CPNE6: variants seen among roughly 807,000 people sequenced by gnomAD.
CPNE6 encodes the protein copine 6.
Under a neutral mutation model 71.5 loss-of-function variants are expected in CPNE6, and 33 were observed. The observed-to-expected ratio is 0.46, with a 90% CI of 0.35 to 0.62. The LOEUF is 0.62. Among genes scored for constraint, CPNE6 ranks in the 20% least tolerant of loss-of-function variants. CPNE6 has a pLI of 0.00. For synonymous variants in CPNE6, 296 were observed against 293.0 expected, an observed-to-expected ratio of 1.01 and a Z score of -0.10; for missense variants, 576 against 747.3, an observed-to-expected ratio of 0.77 and a Z score of 2.67.
At position 24,073,593 on chromosome 14, in the gene CPNE6, A is replaced by T; in HGVS notation, c.263A>T (p.Gln88Leu). The change falls in exon 4 of 18, where the codon CAG becomes CTG. Residue 88 changes from glutamine to leucine, a missense_variant. This residue lies in a region of CPNE6 where 214 missense variants were observed against 291.2 expected (regional missense o/e 0.73). Coordinates refer to ENST00000397016, the Ensembl canonical transcript of CPNE6. This position sits in a 1 kb window ranked among gnomAD's most constrained non-coding sequence, Gnocchi z 5.5. ...TTTTTTGAGGAGAAGCAGCCCCTGC[A>T]GTTCCACGTGTTCGATGCCGAGGAC... 1 of 1,614,042 alleles carries T rather than the reference A, an allele frequency of 6.2e-7. No homozygotes were observed. The highest frequency in any genetic ancestry group is 8.5e-7 in the Non-Finnish European group (1 of 1,180,026).
At position 24,074,266 on chromosome 14, in the gene CPNE6, C is replaced by T. The variant is rs778763845; in HGVS notation, c.424-25C>T. The T allele has an allele frequency of 1.0e-5, 16 of 1,596,110 alleles. No homozygotes were observed. The highest frequency in any genetic ancestry group is 1.1e-5 in the South Asian group (1 of 89,574). On this transcript the variant is annotated intron_variant, in intron 5 of 17. Transcript: ENST00000397016. This position sits in a 1 kb window ranked among gnomAD's most constrained non-coding sequence, Gnocchi z 4.5. ...GCCCTTGTGGTAAGGTTAGGGGAGT[C>T]CTGCCACTTGTATCCCCCTTGCAGA... is the stretch of plus-strand genomic sequence containing the variant.
rs2138848399 is a variant in CPNE6, at chr14:24,074,881, C to A, written c.672+86C>A. On this transcript the variant is annotated intron_variant, in intron 8 of 17. Transcript: ENST00000397016. The surrounding 1 kb of genome is among the most constrained non-coding windows in gnomAD (Gnocchi z 4.5). Reference sequence around the variant, plus strand: ...TTTCCCCTGCATGTGGCAAGCCTCCCTCCTCTCCCCCAAGTGATAATCACA... The same window carrying A: ...TTTCCCCTGCATGTGGCAAGCCTCCATCCTCTCCCCCAAGTGATAATCACA... The A allele has an allele frequency of 1.9e-6, 2 of 1,076,622 alleles. No individual in the cohort carries two copies. Among genetic ancestry groups the A allele is most frequent in the Non-Finnish European group, 2.8e-6 (2 of 717,456 alleles). 66.7% of individuals were successfully genotyped at this position (1,076,622 alleles called of 1,614,324 possible). A position where few individuals can be genotyped will look rare whatever the true frequency, so the allele number is the denominator to read the frequency against.
Position 24,071,645 on chromosome 14 carries a change from A to G in CPNE6, c.-5+4A>G. 1.1e-6 allele frequency: 1 copy of G among 934,636 alleles called. No individual in the cohort carries two copies. Among genetic ancestry groups the G allele is most frequent in the Non-Finnish European group, 1.7e-6 (1 of 598,894 alleles). The allele number at this position is 934,636 out of a possible 1,614,324, so 57.9% of individuals were successfully genotyped here. A position where few individuals can be genotyped will look rare whatever the true frequency, so the allele number is the denominator to read the frequency against. On this transcript the variant is annotated splice_donor_region_variant and intron_variant, in intron 2 of 17. Coordinates refer to ENST00000397016, the Ensembl canonical transcript of CPNE6. ...GAGCCCCCGACCGAGAGCCCAGGTGAGCCCACCCTTCCTCCCCAGCCCAGC... is the reference window on the plus strand; with the variant it reads ...GAGCCCCCGACCGAGAGCCCAGGTGGGCCCACCCTTCCTCCCCAGCCCAGC...
At chr14:24,076,477 C>T (rs2036067847) in intron 13 of CPNE6, 29 bp from the exon 13 acceptor site, 1 of 1,614,176 alleles carries the variant, frequency 6.2e-7, no homozygotes, top group Non-Finnish European at 8.5e-7. Context: ...AAAAGGCAGG[C>T]CCTCACTGCT....
chr14:24,071,508 C>CCCCCCCCCCCCCCCA, intron 1 of CPNE6, 54 bp from the exon 1 acceptor site: 1 of 1,479,372 alleles, frequency 6.8e-7, no homozygotes, highest in East Asian at 2.5e-5. Flanking sequence ...TGCGCCCCCC[C>CCCCCCCCCCCCCCCA]CCACCCCTCC....
chr14:24,077,401 C>A lies in CPNE6; in HGVS notation c.1536+11C>A. The A allele has an allele frequency of 6.2e-7, 1 of 1,611,388 alleles. No homozygotes were observed. Among genetic ancestry groups the A allele is most frequent in the Non-Finnish European group, 8.5e-7 (1 of 1,177,666 alleles). ...CGAGACTTCAAGGATGTGAGTCCCC[C>A]GGGCCCCTTCCGGCTGAAGGACTCC... On this transcript the variant is annotated intron_variant, in intron 16 of 17. Transcript: ENST00000397016. This position sits in a 1 kb window ranked among gnomAD's most constrained non-coding sequence, Gnocchi z 6.1.
In CPNE6 at chr14:24,075,473, T is replaced by C; in HGVS notation, c.778-32T>C. 2.5e-6 allele frequency: 4 copies of C among 1,584,988 alleles called. No individual in the cohort carries two copies. Among genetic ancestry groups the C allele is most frequent in the Non-Finnish European group, 3.5e-6 (4 of 1,158,460 alleles). ...GAGAAAGAGGGGTCACCTGATGGAC[T>C]TGTGACCCTGAGCTTGTGGGGTGGG... On this transcript the variant is annotated intron_variant, in intron 9 of 17. Coordinates refer to ENST00000397016, the Ensembl canonical transcript of CPNE6. The surrounding 1 kb of genome is among the most constrained non-coding windows in gnomAD (Gnocchi z 4.3).
chr14:24,076,854 C>G, intron 14 of CPNE6, 25 bp from the exon 14 acceptor site: 1 of 1,611,122 alleles, frequency 6.2e-7, no homozygotes, highest in Non-Finnish European at 8.5e-7. Flanking sequence ...TTTCTGCCAG[C>G]TTCACAACTT....
chr14:24,075,155 T>TC lies in CPNE6; in HGVS notation c.673-12dup. On this transcript the variant is annotated splice_polypyrimidine_tract_variant and intron_variant, in intron 8 of 17. Transcript: ENST00000397016. This position sits in a 1 kb window ranked among gnomAD's most constrained non-coding sequence, Gnocchi z 4.3. The stretch of plus-strand genomic sequence containing the variant: ...AGCATCTCCAACCTGACCCCACCCC[T>TC]CCCCCTGCCTTCTCAGTTCCTGGTG... 1.3e-6 allele frequency: 2 copies of TC among 1,580,138 alleles called. No homozygotes were observed. The highest frequency in any genetic ancestry group is 1.7e-6 in the Non-Finnish European group (2 of 1,151,610).
In CPNE6 at chr14:24,074,117, A is replaced by T; in HGVS notation, c.415A>T (p.Thr139Ser). The change falls in exon 5 of 18, where the codon ACC (threonine) becomes TCC (serine). Residue 139 changes from threonine to serine, a missense_variant. By Grantham distance (58) the Thr-to-Ser change is moderately conservative. This residue lies in a region of CPNE6 where 214 missense variants were observed against 291.2 expected (regional missense o/e 0.73). Transcript: ENST00000397016. The surrounding 1 kb of genome is among the most constrained non-coding windows in gnomAD (Gnocchi z 4.5). Reference sequence around the variant, plus strand: ...GAATGGGAAGACTGCGGGCAAGTCCACCATCACGGTAGGCAAGATCACCTG... The same window carrying T: ...GAATGGGAAGACTGCGGGCAAGTCCTCCATCACGGTAGGCAAGATCACCTG... 1 of 1,614,104 alleles carries T rather than the reference A, an allele frequency of 6.2e-7. No individual in the cohort carries two copies. Among genetic ancestry groups the T allele is most frequent in the Non-Finnish European group, 8.5e-7 (1 of 1,179,966 alleles).
intron 1 of CPNE6, 51 bp from the exon 1 acceptor site, chr14:24,071,505 CCCCCCA>C: frequency 9.1e-7 from 1 of 1,097,364 alleles, no homozygotes; most frequent in Non-Finnish European, 1.2e-6. Context: ...TGCTGCGCCC[CCCCCCA>C]CCCCTCCCCA....
At position 24,077,106 on chromosome 14, in the gene CPNE6, G is replaced by T. The variant is rs184080131; in HGVS notation, c.1300-48G>T. On this transcript the variant is annotated intron_variant, in intron 15 of 17. Transcript: ENST00000397016. The surrounding 1 kb of genome is among the most constrained non-coding windows in gnomAD (Gnocchi z 6.1). ...GCACCTTGGTGGAAACGGTGTCAAC[G>T]CCCTTGCACACAAAGCCAACCCTTC... 6.3e-7 allele frequency: 1 copy of T among 1,593,896 alleles called. No homozygotes were observed. The highest frequency in any genetic ancestry group is 1.7e-5 in the Admixed American group (1 of 59,740).
chr14:24,072,919 C>G lies in CPNE6; in HGVS notation c.-4-14C>G. 1 of 1,545,396 alleles carries G rather than the reference C, an allele frequency of 6.5e-7. No homozygotes were observed. Among genetic ancestry groups the G allele is most frequent in the Non-Finnish European group, 8.7e-7 (1 of 1,148,012 alleles). ...CCCTTTCCAGAGTCCAGGCCACCTG[C>G]TCTGTCCCCACAGTGACATGTCGGA... On this transcript the variant is annotated splice_polypyrimidine_tract_variant and intron_variant, in intron 2 of 17. Transcript: ENST00000397016.
chr14:24,076,626 C>T (rs45621931), intron 14 of CPNE6, 69 bp downstream of exon 13: 488,806 of 1,590,510 alleles, frequency 0.31, 78,362 homozygotes, highest in South Asian at 0.48. Flanking sequence ...ACAGACTCCA[C>T]TCCCCAGGGC....
At position 24,071,550 on chromosome 14, in the gene CPNE6, G is replaced by C. The variant is rs934230751; in HGVS notation, c.-96G>C. The C allele has an allele frequency of 1.6e-6, 2 of 1,224,902 alleles. No individual in the cohort carries two copies. Among genetic ancestry groups the C allele is most frequent in the Admixed American group, 5.1e-5 (2 of 39,050 alleles). The allele number at this position is 1,224,902 out of a possible 1,614,324, so 75.9% of individuals were successfully genotyped here. A position where few individuals can be genotyped will look rare whatever the true frequency, so the allele number is the denominator to read the frequency against. On this transcript the variant is annotated 5_prime_UTR_variant, in exon 2 of 18. Coordinates refer to ENST00000397016, the Ensembl canonical transcript of CPNE6. ...AGGCCCCATAAATAGCAGCAGAGCC[G>C]GAGCTGGAGCCGGCGCCAGCGGCTG...
chr14:24,073,690 C>T lies in CPNE6; in HGVS notation c.348+12C>T, dbSNP rs1364995823. ...GCACCTTGGGCCAGGTCTGCATTCC[C>T]GGCCTCCCCGGCTACCCTACCCTAC... On this transcript the variant is annotated intron_variant, in intron 4 of 17. Coordinates refer to ENST00000397016, the Ensembl canonical transcript of CPNE6. This position sits in a 1 kb window ranked among gnomAD's most constrained non-coding sequence, Gnocchi z 5.5. 7 of 1,605,988 alleles carry T rather than the reference C, an allele frequency of 4.4e-6. No individual in the cohort carries two copies. The highest frequency in any genetic ancestry group is 2.2e-5 in the South Asian group (2 of 90,248).
Position 24,075,682 on chromosome 14 carries a change from T to TCCCAGAAGCAGAGAAAC in CPNE6, c.864+91_864+92insCCCAGAAGCAGAGAAAC. 7.2e-7 allele frequency: 1 copy of TCCCAGAAGCAGAGAAAC among 1,384,556 alleles called. No homozygotes were observed. The highest frequency in any genetic ancestry group is 1.0e-6 in the Non-Finnish European group (1 of 991,706). 85.8% of individuals were successfully genotyped at this position (1,384,556 alleles called of 1,614,324 possible). On this transcript the variant is annotated intron_variant, in intron 10 of 17. Coordinates refer to ENST00000397016, the Ensembl canonical transcript of CPNE6. The surrounding 1 kb of genome is among the most constrained non-coding windows in gnomAD (Gnocchi z 4.3). ...CCCTTCCCTTGTTTCAAAGACCAGT[T>TCCCAGAAGCAGAGAAAC]TCTCTGCTTCTGGGAACTGGAAACC...
At chr14:24,070,994 G>A (rs749754244) in exon 1 of CPNE6, 47 of 1,535,542 alleles carry the variant, frequency 3.1e-5, no homozygotes, top group Non-Finnish European at 4.1e-5. Context: ...TGGCTTTTAA[G>A]GAGCACGGGA....
chr14:24,071,846 C>T, intron 2 of CPNE6: 2 of 541,854 alleles, frequency 3.7e-6, no homozygotes, highest in Non-Finnish European at 6.5e-6. Flanking sequence ...AGCCCAGACC[C>T]TCCCTCACAT....
Sources: gnomAD v4.1 joint callset for allele counts on GRCh38, gnomAD v4.1.1 for gene constraint, gnomAD v4.1.1 regional missense constraint, Gnocchi (gnomAD v3.1) non-coding constraint, MANE v1.5 for transcripts, NCBI Gene and HGNC (gene_info 2026-07-23, HGNC 2026-07-21) for gene names.